The following VPS37A variants were observed in gnomAD, a reference collection of about 807,000 sequenced individuals.
The protein encoded by VPS37A is VPS37A subunit of ESCRT-I.
In VPS37A, 30 loss-of-function variants were observed where a neutral mutation model predicts 49.8. That is an observed-to-expected ratio of 0.60 (90% confidence interval 0.45 to 0.82). The LOEUF (loss-of-function observed/expected upper bound fraction) is 0.82. VPS37A is among the 40% of genes least tolerant of loss of function. VPS37A has a pLI of 0.00. For missense variants in VPS37A, 593 were observed against 464.4 expected, an observed-to-expected ratio of 1.28 and a Z score of -2.55; for synonymous variants, 195 against 160.6, an observed-to-expected ratio of 1.21 and a Z score of -1.62.
chr8:17,322,004 G>C, the VPS37A span, among the ~76,000 whole-genome samples: 1 of 135,450 alleles, frequency 7.4e-6, no homozygotes, highest in East Asian at 2.8e-4. Context: ...TGCTGGTGGG[G>C]TCAGTGAGGG....
chr8:17,306,714 A>G (rs1386134866), downstream of VPS37A, among the ~76,000 whole-genome samples: 3 of 152,166 alleles, frequency 2.0e-5, no homozygotes, highest in Non-Finnish European at 4.4e-5. Flanking sequence ...AAGAGGAATG[A>G]GCAATGATCA....
Position 17,265,890 on chromosome 8 carries a change from A to T in VPS37A, c.126-17A>T, listed in dbSNP as rs1813404100. On this transcript the variant is annotated splice_polypyrimidine_tract_variant and intron_variant, in intron 1 of 11. Coordinates refer to ENST00000324849, the MANE Select transcript of VPS37A (RefSeq NM_152415.3). Reference sequence around the variant, plus strand: ...TTTCATGACTTTGGGTAAATTTTTTAAAATTTTCTCCTGCAGTATAGCCGA... The same window carrying T: ...TTTCATGACTTTGGGTAAATTTTTTTAAATTTTCTCCTGCAGTATAGCCGA... 2 of 1,613,074 alleles carry T rather than the reference A, an allele frequency of 1.2e-6. No individual in the cohort carries two copies. Among genetic ancestry groups the T allele is most frequent in the Non-Finnish European group, 1.7e-6 (2 of 1,179,536 alleles).
intron 1 of VPS37A, among the ~76,000 whole-genome samples, chr8:17,256,630 T>TTTTA (rs141925092): frequency 0.12 from 17,071 of 145,248 alleles, 1,424 homozygotes; most frequent in African/African-American, 0.24. Flanking sequence ...GCTGTGTAGG[T>TTTTA]TTTATTTATT....
chr8:17,281,715 A>T (rs1395705887), intron 9 of VPS37A, among the ~76,000 whole-genome samples: 1 of 152,050 alleles, frequency 6.6e-6, no homozygotes, highest in East Asian at 1.9e-4. Flanking sequence ...AAACAATCAA[A>T]AATTCTAGAG....
At chr8:17,271,907 G>C in intron 4 of VPS37A, 1 of 449,778 alleles carries the variant, frequency 2.2e-6, no homozygotes, top group Non-Finnish European at 4.5e-6. Flanking sequence ...AGGAATGAGA[G>C]ATAAATTTAT....
chr8:17,315,478 C>T, the VPS37A span, among the ~76,000 whole-genome samples: 1 of 152,074 alleles, frequency 6.6e-6, no homozygotes, highest in Non-Finnish European at 1.5e-5. Context: ...TGAGTGATAC[C>T]GATGTGCCAA....
intron 11 of VPS37A, among the ~76,000 whole-genome samples, chr8:17,294,738 G>T (rs1203074044): frequency 6.6e-6 from 1 of 152,134 alleles, no homozygotes; most frequent in East Asian, 1.9e-4. Flanking sequence ...CCCTGCTTCT[G>T]CTCACCCTCC....
At chr8:17,308,851 C>T in the VPS37A span, among the ~76,000 whole-genome samples, 1 of 152,186 alleles carries the variant, frequency 6.6e-6, no homozygotes, top group African/African-American at 2.4e-5. Flanking sequence ...CCAGAGACAT[C>T]TGGGACAAAC....
chr8:17,320,418 A>C, the VPS37A span, among the ~76,000 whole-genome samples: 1 of 151,982 alleles, frequency 6.6e-6, no homozygotes, highest in Non-Finnish European at 1.5e-5. Context: ...TTTTTTTGTA[A>C]GGTGGCAACA....
Position 17,297,601 on chromosome 8 carries a change from A to G in VPS37A, c.*2615A>G, listed in dbSNP as rs911583458. The G allele has an allele frequency of 9.9e-5, 15 of 152,048 alleles. No homozygotes were observed. The highest frequency in any genetic ancestry group is 3.4e-4 in the African/African-American group (14 of 41,440). 9.4% of individuals were successfully genotyped at this position (152,048 alleles called of 1,614,324 possible). On this transcript the variant is annotated 3_prime_UTR_variant, in exon 12 of 12. Transcript: ENST00000324849. ...TTAAAAAATAAATTACTTGCATTCT[A>G]TATATTACTAATTGGGAAGTAATAT...
At chr8:17,278,735 A>G (rs1416672212) in intron 6 of VPS37A, among the ~76,000 whole-genome samples, 2 of 152,070 alleles carry the variant, frequency 1.3e-5, no homozygotes. Flanking sequence ...TTAGGATATG[A>G]CATGCCAGAA....
intron 4 of VPS37A, among the ~76,000 whole-genome samples, chr8:17,270,748 G>A (rs139565146): frequency 9.9e-5 from 15 of 152,202 alleles, no homozygotes; most frequent in East Asian, 1.9e-4. Flanking sequence ...CCTCCTAGCC[G>A]TAAGAATTCA....
intron 4 of VPS37A, chr8:17,272,111 C>G (rs757066428): frequency 2.2e-6 from 1 of 456,204 alleles, no homozygotes; most frequent in African/African-American, 2.0e-5. Context: ...TATTGGTAAA[C>G]TTTCCACTAA....
At chr8:17,249,949 A>G (rs182362674) in intron 1 of VPS37A, among the ~76,000 whole-genome samples, 18 of 152,308 alleles carry the variant, frequency 1.2e-4, no homozygotes, top group Admixed American at 2.0e-4. Flanking sequence ...GGTAATGGTA[A>G]TAGACAGAGG....
chr8:17,280,225 G>A lies in VPS37A; in HGVS notation c.842-14G>A, dbSNP rs1814913675. 6.2e-7 allele frequency: 1 copy of A among 1,612,350 alleles called. No homozygotes were observed. The highest frequency in any genetic ancestry group is 8.5e-7 in the Non-Finnish European group (1 of 1,179,196). On this transcript the variant is annotated splice_polypyrimidine_tract_variant and intron_variant, in intron 7 of 11. Transcript: ENST00000324849. ...CATCTTTACCTAGAAGTAAACTAGA[G>A]ATTTATCTTACAGGAAAAAATCTCC... is the stretch of plus-strand genomic sequence containing the variant.
intron 1 of VPS37A, among the ~76,000 whole-genome samples, chr8:17,253,857 G>C (rs1812196970): frequency 6.6e-6 from 1 of 152,126 alleles, no homozygotes; most frequent in Non-Finnish European, 1.5e-5. Flanking sequence ...GTGCTAAAGT[G>C]GATCAGCATT....
Position 17,296,183 on chromosome 8 carries a change from CAATA to C in VPS37A, c.*1200_*1203del, listed in dbSNP as rs1283074417. The stretch of plus-strand genomic sequence containing the variant: ...TAGTTCTTCCTGTACATGTTTTTGG[CAATA>C]AAGTTATAGGAAGAACAAAATTATT... On this transcript the variant is annotated 3_prime_UTR_variant, in exon 12 of 12. Coordinates refer to ENST00000324849, the MANE Select transcript of VPS37A (RefSeq NM_152415.3). 1 of 152,046 alleles carries C rather than the reference CAATA, an allele frequency of 6.6e-6. No homozygotes were observed. Among genetic ancestry groups the C allele is most frequent in the Admixed American group, 6.5e-5 (1 of 15,268 alleles). The allele number at this position is 152,046 out of a possible 1,614,324, so 9.4% of individuals were successfully genotyped here.
At chr8:17,255,035 C>T (rs572290458) in intron 1 of VPS37A, among the ~76,000 whole-genome samples, 7 of 152,302 alleles carry the variant, frequency 4.6e-5, no homozygotes, top group Non-Finnish European at 8.8e-5. Context: ...TTGAGTTTCT[C>T]ATCACACTGT....
intron 4 of VPS37A, among the ~76,000 whole-genome samples, chr8:17,270,531 C>CTG (rs2150381519): frequency 1.3e-5 from 2 of 152,182 alleles, no homozygotes; most frequent in African/African-American, 4.8e-5. Flanking sequence ...CAAGTGGAAG[C>CTG]TGTATTATCT....
Sources: allele counts gnomAD v4.1 joint callset (sites outside exome capture counted in the v4.1 genomes callset), GRCh38; gene constraint gnomAD v4.1.1; transcripts MANE v1.5; gene names NCBI Gene and HGNC (gene_info 2026-07-23, HGNC 2026-07-21).